RPS6KC1: variants seen among roughly 807,000 people sequenced by gnomAD.
RPS6KC1 encodes the protein inactive ribosomal protein S6 kinase delta-1.
In RPS6KC1, 54 loss-of-function variants were observed where a neutral mutation model predicts 103.8. The ratio of observed to expected loss-of-function variants is 0.52; its 90% confidence interval spans 0.42 to 0.65. The LOEUF (loss-of-function observed/expected upper bound fraction) is 0.65. Among genes scored for constraint, RPS6KC1 ranks in the 30% least tolerant of loss-of-function variants. RPS6KC1 has a pLI of 0.00. For synonymous variants in RPS6KC1, 439 were observed against 438.7 expected (o/e 1.00, Z -0.01); for missense variants, 1,151 against 1,253.8 (o/e 0.92, Z 1.24).
chr1:213,677,980 G>A, the RPS6KC1 span, among the ~76,000 whole-genome samples: 8 of 150,918 alleles, frequency 5.3e-5, no homozygotes, highest in African/African-American at 7.3e-5. Flanking sequence ...CACTCCAGCC[G>A]GGGCGACACA....
chr1:213,196,446 C>A (rs573371319), intron 8 of RPS6KC1, among the ~76,000 whole-genome samples: 1 of 152,192 alleles, frequency 6.6e-6, no homozygotes, highest in East Asian at 1.9e-4. Context: ...TGTTTACTCT[C>A]CTGATTATTT....
At chr1:213,716,171 C>T in the RPS6KC1 span, among the ~76,000 whole-genome samples, 1 of 152,156 alleles carries the variant, frequency 6.6e-6, no homozygotes, top group Non-Finnish European at 1.5e-5. Context: ...ATAGGAGTTT[C>T]TCAAATGTGG....
At chr1:213,305,971 C>T in the RPS6KC1 span, among the ~76,000 whole-genome samples, 111 of 152,258 alleles carry the variant, frequency 7.3e-4, no homozygotes, top group Middle Eastern at 0.01. Flanking sequence ...CATTCATTAC[C>T]GTTATTAGGA....
At chr1:213,354,328 C>T in the RPS6KC1 span, among the ~76,000 whole-genome samples, 1 of 152,184 alleles carries the variant, frequency 6.6e-6, no homozygotes, top group African/African-American at 2.4e-5. Context: ...TGGTAATGAT[C>T]CCCTGCACTT....
chr1:213,225,396 C>CTT (rs560741294), intron 8 of RPS6KC1, among the ~76,000 whole-genome samples: 2 of 147,798 alleles, frequency 1.4e-5, no homozygotes, highest in South Asian at 4.3e-4. Context: ...TCTTAATTTG[C>CTT]TTTTTTTTTT....
the RPS6KC1 span, among the ~76,000 whole-genome samples, chr1:213,720,154 A>G: frequency 6.6e-6 from 1 of 152,228 alleles, no homozygotes. Flanking sequence ...GCTCAAAGTC[A>G]CATGAAATCA....
the RPS6KC1 span, among the ~76,000 whole-genome samples, chr1:213,363,805 TCTTTCTTTCTTC>T: frequency 1.1e-5 from 1 of 87,636 alleles, no homozygotes; most frequent in Non-Finnish European, 2.2e-5. Flanking sequence ...TTTCTTTCTT[TCTTTCTTTCTTC>T]TCTCTTTTTT....
the RPS6KC1 span, among the ~76,000 whole-genome samples, chr1:213,591,719 T>C: frequency 6.6e-6 from 1 of 152,174 alleles, no homozygotes; most frequent in Non-Finnish European, 1.5e-5. Context: ...GGGGGTGCTT[T>C]TGGGAGCAAT....
chr1:213,535,618 G>A, the RPS6KC1 span, among the ~76,000 whole-genome samples: 1 of 152,074 alleles, frequency 6.6e-6, no homozygotes, highest in African/African-American at 2.4e-5. Flanking sequence ...TAGAATTCAG[G>A]GTTGTTGATT....
chr1:213,143,012 T>G (rs917242894), intron 6 of RPS6KC1, among the ~76,000 whole-genome samples: 2 of 152,040 alleles, frequency 1.3e-5, no homozygotes, highest in Non-Finnish European at 2.9e-5. Flanking sequence ...TTAGGTATAT[T>G]TAGCAAATTT....
At chr1:213,515,857 C>G in the RPS6KC1 span, among the ~76,000 whole-genome samples, 1 of 152,230 alleles carries the variant, frequency 6.6e-6, no homozygotes, top group Admixed American at 6.5e-5. Context: ...TCTTCCTACC[C>G]ATGAGCATGG....
the RPS6KC1 span, among the ~76,000 whole-genome samples, chr1:213,775,558 A>G: frequency 6.6e-6 from 1 of 152,230 alleles, no homozygotes; most frequent in African/African-American, 2.4e-5. Context: ...CCTTAATTTT[A>G]AAATACTTTA....
the RPS6KC1 span, among the ~76,000 whole-genome samples, chr1:213,722,497 T>C: frequency 6.6e-6 from 1 of 152,168 alleles, no homozygotes; most frequent in Non-Finnish European, 1.5e-5. Flanking sequence ...CTCTCTTCTC[T>C]GAATTACTAT....
chr1:213,254,647 T>C (rs1012896282), intron 12 of RPS6KC1, among the ~76,000 whole-genome samples: 2 of 152,222 alleles, frequency 1.3e-5, no homozygotes. Context: ...CATAGTGATA[T>C]ACTCAGCCAA....
chr1:213,121,703 G>A (rs995920011), intron 5 of RPS6KC1, among the ~76,000 whole-genome samples: 2 of 152,140 alleles, frequency 1.3e-5, no homozygotes, highest in Non-Finnish European at 2.9e-5. Flanking sequence ...AGACTTGGAT[G>A]TTGGTATAGT....
At chr1:213,332,352 A>C in the RPS6KC1 span, among the ~76,000 whole-genome samples, 2 of 152,236 alleles carry the variant, frequency 1.3e-5, no homozygotes, top group African/African-American at 4.8e-5. Context: ...TCCTTTTAAA[A>C]TACCTTTTCT....
the RPS6KC1 span, among the ~76,000 whole-genome samples, chr1:213,545,676 G>A: frequency 6.6e-6 from 1 of 151,954 alleles, no homozygotes; most frequent in African/African-American, 2.4e-5. Flanking sequence ...GTACTGGGGG[G>A]TTAGGACTTC....
the RPS6KC1 span, among the ~76,000 whole-genome samples, chr1:213,745,258 A>G: frequency 6.6e-6 from 1 of 151,412 alleles, no homozygotes; most frequent in Non-Finnish European, 1.5e-5. Flanking sequence ...TGTGTGTAGA[A>G]GGGATGGGGG....
chr1:213,773,129 G>T, the RPS6KC1 span, among the ~76,000 whole-genome samples: 1 of 152,140 alleles, frequency 6.6e-6, no homozygotes, highest in Non-Finnish European at 1.5e-5. Flanking sequence ...ATAGGGGCAG[G>T]GAGCCATCGC....
Sources: allele counts gnomAD v4.1 joint callset (sites outside exome capture counted in the v4.1 genomes callset), GRCh38; gene constraint gnomAD v4.1.1; transcripts MANE v1.5; gene names NCBI Gene and HGNC (gene_info 2026-07-23, HGNC 2026-07-21).